EPHA6: variants seen among roughly 807,000 people sequenced by gnomAD.
EPHA6 encodes EPH receptor A6, also known as ephrin type-A receptor 6.
Under a neutral mutation model 112.0 loss-of-function variants are expected in EPHA6, and 50 were observed. The ratio of observed to expected loss-of-function variants is 0.45; its 90% CI spans 0.36 to 0.56. The LOEUF is 0.56. EPHA6 is among the 20% of genes least tolerant of loss of function. The probability of loss-of-function intolerance (pLI) is 0.00; values close to 1 mark genes in which losing one functional copy is unlikely to be tolerated. For synonymous variants in EPHA6, 529 were observed against 490.7 expected (o/e 1.08, Z -1.03); for missense variants, 1,280 against 1,417.4 (o/e 0.90, Z 1.56).
chr3:97,610,861 T>C lies in EPHA6; in HGVS notation c.2574+7T>C, dbSNP rs2093713786. 6.2e-7 allele frequency: 1 copy of C among 1,600,876 alleles called. No homozygotes were observed. Among genetic ancestry groups the C allele is most frequent in the East Asian group, 2.2e-5 (1 of 44,736 alleles). On this transcript the variant is annotated splice_region_variant and intron_variant, in intron 13 of 17. Transcript: ENST00000389672. Reference sequence around the variant, plus strand: ...CCTAGACTCCTTTTTGCGGGTGAGGTGTTCTTTTCTGATGGCATTTAAATA... The same window carrying C: ...CCTAGACTCCTTTTTGCGGGTGAGGCGTTCTTTTCTGATGGCATTTAAATA...
intron 3 of EPHA6, among the ~76,000 whole-genome samples, chr3:97,019,899 T>A (rs2044393873): frequency 6.6e-6 from 1 of 152,210 alleles, no homozygotes; most frequent in Non-Finnish European, 1.5e-5. Context: ...TGTCGTCATT[T>A]GAATCATTGG....
Position 97,182,111 on chromosome 3 carries a change from T to G in EPHA6, c.1115-44153T>G, listed in dbSNP as rs563984738. 4.6e-5 allele frequency among the ~76,000 whole-genome samples: 7 copies of G among 152,194 alleles called. No homozygotes were observed. The East Asian group carries it at 1.4e-3, about 29-fold the overall frequency. ...TGGTGCTTGCCCTTCCAGAAGCTTT[T>G]TATTATGTCCCATTGGTTTTTCAAA... is the stretch of plus-strand genomic sequence containing the variant. On this transcript the variant is annotated intron_variant, in intron 3 of 17. Transcript: ENST00000389672.
intron 1 of EPHA6, among the ~76,000 whole-genome samples, chr3:96,833,288 T>A (rs1324195150): frequency 2.0e-5 from 3 of 151,094 alleles, no homozygotes; most frequent in Non-Finnish European, 3.0e-5. Flanking sequence ...ATTGGTGTTA[T>A]GCATTTACAA....
chr3:97,095,964 A>G (rs1259991996), intron 3 of EPHA6, among the ~76,000 whole-genome samples: 1 of 151,944 alleles, frequency 6.6e-6, no homozygotes, highest in East Asian at 1.9e-4. Context: ...TAATGCTCAG[A>G]ACATGAATGT....
At chr3:97,604,208 T>G (rs1369268199) in intron 12 of EPHA6, among the ~76,000 whole-genome samples, 1 of 151,620 alleles carries the variant, frequency 6.6e-6, no homozygotes. Flanking sequence ...ACAGAGACAG[T>G]GAGTTGAAAA....
intron 2 of EPHA6, among the ~76,000 whole-genome samples, chr3:96,887,242 C>G (rs112075179): frequency 1.4e-4 from 21 of 152,114 alleles, no homozygotes; most frequent in African/African-American, 5.1e-4. Flanking sequence ...GGTTCTAAGG[C>G]TGAAGGCTGT....
chr3:97,466,496 C>T lies in EPHA6; in HGVS notation c.1895-8856C>T, dbSNP rs554101937. On this transcript the variant is annotated intron_variant, in intron 7 of 17. Coordinates refer to ENST00000389672, the MANE Select transcript of EPHA6 (RefSeq NM_001080448.3). ...TTATTGCCTCAGGTAACTGAAAAGT[C>T]AAAGGGGTAGTGTGAGGGTCGGGCC... 4.1e-6 allele frequency: 5 copies of T among 1,219,522 alleles called. No individual in the cohort carries two copies. The East Asian group carries it at 9.3e-5, about 23-fold the overall frequency. The allele number at this position is 1,219,522 out of a possible 1,614,324, so 75.5% of individuals were successfully genotyped here.
intron 2 of EPHA6, among the ~76,000 whole-genome samples, chr3:96,973,808 G>C (rs1475693973): frequency 7.1e-6 from 1 of 140,422 alleles, no homozygotes; most frequent in Non-Finnish European, 1.5e-5. Flanking sequence ...CTGGGCGACA[G>C]AGCGAGACTC....
chr3:97,672,231 A>C (rs1439799663), intron 14 of EPHA6, among the ~76,000 whole-genome samples: 1 of 152,192 alleles, frequency 6.6e-6, no homozygotes, highest in African/African-American at 2.4e-5. Context: ...GTGCTTTTAC[A>C]GGGCTACCAA....
chr3:96,819,104 A>T (rs973005341), intron 1 of EPHA6, among the ~76,000 whole-genome samples: 2 of 152,004 alleles, frequency 1.3e-5, no homozygotes, highest in African/African-American at 4.8e-5. Flanking sequence ...CAAAAATTAT[A>T]CATAATCCTT....
chr3:97,017,240 C>G (rs1291887565), intron 3 of EPHA6, among the ~76,000 whole-genome samples: 1 of 152,154 alleles, frequency 6.6e-6, no homozygotes, highest in Non-Finnish European at 1.5e-5. Context: ...TGATGGCACA[C>G]CTCTTCCATT....
intron 2 of EPHA6, among the ~76,000 whole-genome samples, chr3:96,900,410 A>G (rs537304705): frequency 6.6e-6 from 1 of 152,334 alleles, no homozygotes; most frequent in East Asian, 1.9e-4. Context: ...AAATTCACAT[A>G]TAATGAATTA....
intron 3 of EPHA6, among the ~76,000 whole-genome samples, chr3:97,202,547 T>C (rs536570056): frequency 1.4e-4 from 21 of 152,068 alleles, no homozygotes; most frequent in Non-Finnish European, 3.1e-4. Flanking sequence ...CTGGCCAGGC[T>C]TATCTTGAAC....
Position 96,866,817 on chromosome 3 carries a change from A to T in EPHA6, c.386-8A>T, listed in dbSNP as rs1336611205. ...TTCATGGAATTTTTATTTTCTATTT[A>T]ATTCCAGTTGTGTTGCTTGATACAA... is the stretch of plus-strand genomic sequence containing the variant. On this transcript the variant is annotated splice_polypyrimidine_tract_variant and splice_region_variant and intron_variant, in intron 1 of 17. Coordinates refer to ENST00000389672, the MANE Select transcript of EPHA6 (RefSeq NM_001080448.3). 1.4e-6 allele frequency: 2 copies of T among 1,437,012 alleles called. No homozygotes were observed. The highest frequency in any genetic ancestry group is 3.0e-5 in the African/African-American group (2 of 67,708). 89.0% of individuals were successfully genotyped at this position (1,437,012 alleles called of 1,614,324 possible).
At chr3:97,272,819 G>C (rs1418937866) in intron 5 of EPHA6, among the ~76,000 whole-genome samples, 3 of 152,134 alleles carry the variant, frequency 2.0e-5, no homozygotes, top group Non-Finnish European at 4.4e-5. Context: ...GTACGTGCAG[G>C]TCACAGGGGA....
intron 5 of EPHA6, among the ~76,000 whole-genome samples, chr3:97,357,407 G>C (rs908859154): frequency 1.3e-5 from 2 of 152,030 alleles, no homozygotes; most frequent in Non-Finnish European, 2.9e-5. Flanking sequence ...TCACCATGTT[G>C]ACTAGGCTTG....
chr3:96,973,301 C>T (rs2042388071), intron 2 of EPHA6, among the ~76,000 whole-genome samples: 1 of 152,152 alleles, frequency 6.6e-6, no homozygotes, highest in South Asian at 2.1e-4. Context: ...AAGCTATATG[C>T]ACACACTATT....
chr3:97,276,742 T>C (rs1402175377), intron 5 of EPHA6, among the ~76,000 whole-genome samples: 1 of 152,108 alleles, frequency 6.6e-6, no homozygotes, highest in Non-Finnish European at 1.5e-5. Flanking sequence ...ATAAAGCATC[T>C]CAGGGTTGCT....
intron 3 of EPHA6, among the ~76,000 whole-genome samples, chr3:97,214,550 T>A (rs1016196430): frequency 1.8e-4 from 27 of 151,974 alleles, no homozygotes; most frequent in African/African-American, 6.5e-4. Flanking sequence ...TTAGTTTGCC[T>A]TTAATATATA....
Sources: allele counts gnomAD v4.1 joint callset (sites outside exome capture counted in the v4.1 genomes callset), GRCh38; gene constraint gnomAD v4.1.1; transcripts MANE v1.5; gene names NCBI Gene and HGNC (gene_info 2026-07-23, HGNC 2026-07-21).